Variants in LDHB observed in about 807,000 individuals in gnomAD.
The protein encoded by LDHB is L-lactate dehydrogenase B chain.
A neutral mutation model predicts 33.4 loss-of-function variants in LDHB; 18 were observed. The observed-to-expected ratio is 0.54, with a 90% confidence interval of 0.37 to 0.80. The LOEUF (loss-of-function observed/expected upper bound fraction) is 0.80. Among genes scored for constraint, LDHB ranks in the 30% least tolerant of loss-of-function variants. The probability of loss-of-function intolerance (pLI) is 0.00; values close to 1 mark genes in which losing one functional copy is unlikely to be tolerated. For missense variants in LDHB, 345 were observed against 407.9 expected, an observed-to-expected ratio of 0.85 and a Z score of 1.33; for synonymous variants, 121 against 140.6, an observed-to-expected ratio of 0.86 and a Z score of 0.98.
At chr12:21,637,311 T>C (rs1258034072) in intron 6 of LDHB, 117 bp from the exon 7 acceptor site, 8 of 780,224 alleles carry the variant, frequency 1.0e-5, no homozygotes, top group Non-Finnish European at 1.8e-5. Context: ...ATTTACCCTT[T>C]ATTGCCTTAG....
rs1023762100 is a variant in LDHB, at chr12:21,635,853, T to C, written c.838-144A>G. ...ATGACAGCGGTACTACTCTCCAGCC[T>C]GGGTGACAGAGCAAGAACTAATCTC... is the stretch of plus-strand genomic sequence containing the variant. On this transcript the variant is annotated intron_variant, in intron 7 of 7. Transcript: ENST00000350669. The C allele has an allele frequency of 4.1e-6, 3 of 730,434 alleles. No homozygotes were observed. The African/African-American group carries it at 5.2e-5, about 13-fold the overall frequency. 45.2% of individuals were successfully genotyped at this position (730,434 alleles called of 1,614,324 possible).
rs993450116 is a variant in LDHB at position 21,643,796 on chromosome 12, T to C, written c.421+139A>G. On this transcript the variant is annotated intron_variant, in intron 4 of 7. Coordinates refer to ENST00000350669, the MANE Select transcript of LDHB (RefSeq NM_002300.8). ...GAGGCATTTGTTTTGCAAACACCAC[T>C]ATTTAGGGCCAATGAAAGAAGACAT... is the stretch of plus-strand genomic sequence containing the variant. The C allele has an allele frequency of 7.2e-6, 5 of 693,672 alleles. No homozygotes were observed. The South Asian group carries it at 8.3e-5, about 11-fold the overall frequency. 43.0% of individuals were successfully genotyped at this position (693,672 alleles called of 1,614,324 possible). A position where few individuals can be genotyped will look rare whatever the true frequency, so the allele number is the denominator to read the frequency against.
rs1208796332 is a variant in LDHB, at chr12:21,654,400, G to A, written c.129+143C>T. ...GAGATACATGCTTAAATATTTGAAA[G>A]TGAAGTGGGATTACATCTACAACTT... is the stretch of plus-strand genomic sequence containing the variant. On this transcript the variant is annotated intron_variant, in intron 2 of 7. Coordinates refer to ENST00000350669, the MANE Select transcript of LDHB (RefSeq NM_002300.8). 8 of 724,320 alleles carry A rather than the reference G, an allele frequency of 1.1e-5. No homozygotes were observed. The East Asian group carries it at 2.1e-4, about 19-fold the overall frequency. 44.9% of individuals were successfully genotyped at this position (724,320 alleles called of 1,614,324 possible).
At chr12:21,654,454 T>C (rs1460766010) in intron 2 of LDHB, 89 bp downstream of exon 2, 6 of 1,282,478 alleles carry the variant, frequency 4.7e-6, no homozygotes, top group Admixed American at 3.4e-5. Context: ...AAGAAATCTT[T>C]TAAAGATATA....
chr12:21,641,852 A>T, intron 5 of LDHB, 100 bp downstream of exon 5: 1 of 1,023,866 alleles, frequency 9.8e-7, no homozygotes, highest in Non-Finnish European at 1.4e-6. Flanking sequence ...ACTGTTCTTA[A>T]GTACATCAAA....
At chr12:21,656,532 C>G (rs1376292499) in intron 1 of LDHB, among the ~76,000 whole-genome samples, 2 of 152,054 alleles carry the variant, frequency 1.3e-5, no homozygotes, top group Non-Finnish European at 2.9e-5. Context: ...ATACAGGGGG[C>G]CCAGGAAGCA....
intron 5 of LDHB, among the ~76,000 whole-genome samples, chr12:21,641,039 C>T (rs897124337): frequency 3.3e-5 from 5 of 152,038 alleles, no homozygotes; most frequent in Non-Finnish European, 5.9e-5. Context: ...ATTAGTAGAT[C>T]ATGTTTGACA....
intron 1 of LDHB, among the ~76,000 whole-genome samples, chr12:21,655,521 TAA>T (rs1938818313): frequency 6.6e-6 from 1 of 152,244 alleles, no homozygotes; most frequent in Non-Finnish European, 1.5e-5. Flanking sequence ...AATGCATACT[TAA>T]TACATAGTGA....
Position 21,654,574 on chromosome 12 carries a change from C to T in LDHB, c.98G>A (p.Gly33Asp). Residue 33 changes from glycine (G) to aspartate (D), a missense_variant, in exon 2 of 8, where the codon GGT (glycine) becomes GAT (aspartate). Transcript: ENST00000350669. ...KITVVGVGQV[G>D]MACAISILGK... ...CAGAATGCTGATAGCACACGCCATA[C>T]CAACTTGTCCAACACCCACTACAGT... 1 of 1,614,130 alleles carries T rather than the reference C, an allele frequency of 6.2e-7. No homozygotes were observed. The highest frequency in any genetic ancestry group is 8.5e-7 in the Non-Finnish European group (1 of 1,179,970).
intron 6 of LDHB, among the ~76,000 whole-genome samples, chr12:21,638,140 A>AAT (rs1326529029): frequency 2.0e-5 from 3 of 152,004 alleles, no homozygotes; most frequent in African/African-American, 7.2e-5. Context: ...TTACCTCTAC[A>AAT]ATAGAGTTTC....
At chr12:21,647,855 C>A (rs1237541458) in intron 2 of LDHB, among the ~76,000 whole-genome samples, 1 of 151,974 alleles carries the variant, frequency 6.6e-6, no homozygotes, top group Non-Finnish European at 1.5e-5. Flanking sequence ...TGCCACCACA[C>A]CCAGCTAATT....
At chr12:21,651,251 T>C (rs75611794) in intron 2 of LDHB, among the ~76,000 whole-genome samples, 2,740 of 152,198 alleles carry the variant, frequency 0.018, 79 homozygotes, top group African/African-American at 0.062. Context: ...GCAGGGAGGA[T>C]TTGTGAGGCC....
In LDHB at chr12:21,637,102, G is replaced by A; in HGVS notation, c.806C>T (p.Ser269Phe). ...CATTGTTGACACGGGATGAATCCTG[G>A]ATAGATTTTTCAACATGGATTCAAT... ...DLIESMLKNL[S>F]RIHPVSTMVK... The change falls in exon 7 of 8, where the codon TCC becomes TTC. Residue 269 changes from serine to phenylalanine, a missense_variant. Coordinates refer to ENST00000350669, the MANE Select transcript of LDHB (RefSeq NM_002300.8). 1 of 1,607,690 alleles carries A rather than the reference G, an allele frequency of 6.2e-7. No individual in the cohort carries two copies. The highest frequency in any genetic ancestry group is 8.5e-7 in the Non-Finnish European group (1 of 1,175,250).
intron 5 of LDHB, 39 bp downstream of exon 5, chr12:21,641,913 C>T: frequency 3.2e-6 from 5 of 1,551,276 alleles, no homozygotes; most frequent in African/African-American, 1.4e-5. Context: ...AATGGCAAAA[C>T]CAACATCACA....
chr12:21,644,230 T>C, intron 3 of LDHB, 122 bp from the exon 4 acceptor site: 1 of 704,994 alleles, frequency 1.4e-6, no homozygotes, highest in South Asian at 1.8e-5. Flanking sequence ...GTGAATTAAG[T>C]TTTCTGTATT....
intron 2 of LDHB, among the ~76,000 whole-genome samples, chr12:21,647,586 C>A (rs2136974274): frequency 6.6e-6 from 1 of 152,174 alleles, no homozygotes; most frequent in Admixed American, 6.5e-5. Flanking sequence ...CTTGCCCAGT[C>A]TCAGATTTCT....
At chr12:21,654,837 A>C (rs1938794667) in intron 1 of LDHB, among the ~76,000 whole-genome samples, 160 bp from the exon 2 acceptor site, 1 of 152,196 alleles carries the variant, frequency 6.6e-6, no homozygotes, top group Non-Finnish European at 1.5e-5. Flanking sequence ...GAACCATGAG[A>C]CCCGGCTGGG....
chr12:21,639,405 T>A (rs1156493308), intron 5 of LDHB, among the ~76,000 whole-genome samples: 1 of 151,908 alleles, frequency 6.6e-6, no homozygotes, highest in East Asian at 1.9e-4. Flanking sequence ...TAACTAAAAG[T>A]TCTTCAATAG....
At chr12:21,652,022 A>G (rs1316075448) in intron 2 of LDHB, among the ~76,000 whole-genome samples, 1 of 152,226 alleles carries the variant, frequency 6.6e-6, no homozygotes, top group Non-Finnish European at 1.5e-5. Flanking sequence ...TATTCTCTCA[A>G]GCCCTTGAGT....
Sources: gnomAD v4.1 joint callset for allele counts (sites outside exome capture counted in the v4.1 genomes callset) on GRCh38, gnomAD v4.1.1 for gene constraint, MANE v1.5 for transcripts, NCBI Gene and HGNC (gene_info 2026-07-23, HGNC 2026-07-21) for gene names.